Variants in CCDC102B observed in about 807,000 individuals in gnomAD.
The protein encoded by CCDC102B is coiled-coil domain-containing protein 102B.
Under a neutral mutation model 57.4 loss-of-function variants are expected in CCDC102B, and 75 were observed. The ratio of observed to expected loss-of-function variants is 1.31; its 90% CI spans 1.08 to 1.58. The LOEUF is 1.58. CCDC102B is among the 40% of genes most tolerant of loss of function. The pLI is 0.00. For missense variants in CCDC102B, 636 were observed against 582.6 expected (o/e 1.09, Z -0.94); for synonymous variants, 206 against 201.9 (o/e 1.02, Z -0.17).
At chr18:68,775,205 T>C (rs1360307015) in intron 2 of CCDC102B, among the ~76,000 whole-genome samples, 1 of 151,906 alleles carries the variant, frequency 6.6e-6, no homozygotes, top group Non-Finnish European at 1.5e-5. Flanking sequence ...TTTAAAATAA[T>C]TTTTGCAATG....
intron 1 of CCDC102B, among the ~76,000 whole-genome samples, chr18:68,802,240 A>G (rs1161881664): frequency 1.3e-5 from 2 of 152,132 alleles, no homozygotes; most frequent in Admixed American, 1.3e-4. Flanking sequence ...GGTATTGTCA[A>G]TGGTAGGAAT....
chr18:68,976,129 T>G (rs1371671227), intron 6 of CCDC102B, among the ~76,000 whole-genome samples: 1 of 152,028 alleles, frequency 6.6e-6, no homozygotes, highest in Non-Finnish European at 1.5e-5. Flanking sequence ...AAATATCTTG[T>G]GTGGGTTTTA....
chr18:68,837,324 T>C lies in CCDC102B; in HGVS notation c.561T>C (p.Tyr187=), dbSNP rs887363269. ...AAATGCATGAGTCTATCAGAGAGTA[T>C]TTGGTAAAAAGACAATTTTCTACAA... ...SSQMHESIRE[Y]LVKRQFSTKE... The change falls in exon 2 of 8, where the codon TAT becomes TAC. Residue 187 remains tyrosine (Y), a synonymous_variant. Coordinates refer to ENST00000360242, the MANE Select transcript of CCDC102B (RefSeq NM_024781.3). 14 of 1,611,242 alleles carry C rather than the reference T, an allele frequency of 8.7e-6. No homozygotes were observed. The highest frequency in any genetic ancestry group is 1.2e-5 in the Non-Finnish European group (14 of 1,178,920).
chr18:68,795,025 T>TAAAA (rs5825874), upstream of CCDC102B, among the ~76,000 whole-genome samples: 5 of 134,532 alleles, frequency 3.7e-5, no homozygotes, highest in African/African-American at 5.6e-5. Flanking sequence ...AACTCGCCAG[T>TAAAA]AAAAAAAAAA....
intron 2 of CCDC102B, among the ~76,000 whole-genome samples, chr18:68,771,357 G>A (rs537073672): frequency 1.3e-5 from 2 of 152,262 alleles, no homozygotes; most frequent in African/African-American, 4.8e-5. Context: ...CTGTAAGAGG[G>A]ACTGGTGATA....
At chr18:68,991,526 A>G (rs2050866926) in intron 6 of CCDC102B, among the ~76,000 whole-genome samples, 1 of 152,190 alleles carries the variant, frequency 6.6e-6, no homozygotes, top group Non-Finnish European at 1.5e-5. Context: ...AGTATGAGTC[A>G]CTTATCTCAC....
At chr18:69,015,519 T>C (rs2051640601) in intron 7 of CCDC102B, among the ~76,000 whole-genome samples, 1 of 152,216 alleles carries the variant, frequency 6.6e-6, no homozygotes. Flanking sequence ...CTTTTCAATT[T>C]AATAGTAGCA....
intron 1 of CCDC102B, among the ~76,000 whole-genome samples, chr18:68,827,719 C>T (rs1345132320): frequency 1.3e-5 from 2 of 151,782 alleles, no homozygotes; most frequent in African/African-American, 4.8e-5. Flanking sequence ...GTGAATAAAA[C>T]AAAAACAAGC....
intron 6 of CCDC102B, among the ~76,000 whole-genome samples, chr18:68,969,356 G>A (rs892121937): frequency 2.0e-5 from 3 of 152,082 alleles, no homozygotes; most frequent in Non-Finnish European, 4.4e-5. Flanking sequence ...ATTCCTATGT[G>A]CTCTGCAATG....
At chr18:68,759,807 C>T (rs987062338) in intron 2 of CCDC102B, among the ~76,000 whole-genome samples, 1 of 152,082 alleles carries the variant, frequency 6.6e-6, no homozygotes, top group Admixed American at 6.6e-5. Context: ...ACCTACAGAG[C>T]ATCCCTGCTA....
intron 2 of CCDC102B, among the ~76,000 whole-genome samples, chr18:68,765,345 G>GA (rs1369713575): frequency 1.7e-5 from 2 of 119,466 alleles, no homozygotes; most frequent in Non-Finnish European, 3.5e-5. Context: ...AAGAAAGAAA[G>GA]AAAGAAAGAA....
At chr18:69,020,734 CTG>C (rs1237004062) in intron 7 of CCDC102B, among the ~76,000 whole-genome samples, 2 of 152,154 alleles carry the variant, frequency 1.3e-5, no homozygotes, top group Non-Finnish European at 2.9e-5. Flanking sequence ...CAAATAATAA[CTG>C]TGGTATCCTT....
At chr18:68,920,669 G>A (rs2041246520) in intron 6 of CCDC102B, among the ~76,000 whole-genome samples, 1 of 152,118 alleles carries the variant, frequency 6.6e-6, no homozygotes, top group Admixed American at 6.6e-5. Flanking sequence ...GGAGGCCTCA[G>A]GAAACTTACA....
intron 6 of CCDC102B, among the ~76,000 whole-genome samples, chr18:68,999,009 G>T (rs939292328): frequency 3.4e-4 from 36 of 104,728 alleles, no homozygotes; most frequent in African/African-American, 9.9e-4. Flanking sequence ...TAGAGAGAGA[G>T]AGAGAGAGAG....
intron 2 of CCDC102B, among the ~76,000 whole-genome samples, chr18:68,773,061 A>C (rs914845261): frequency 6.6e-6 from 1 of 152,090 alleles, no homozygotes; most frequent in Non-Finnish European, 1.5e-5. Context: ...CTAGAAAGTT[A>C]AGAAAGGATT....
At chr18:68,874,997 T>C (rs1343669304) in intron 5 of CCDC102B, 7 of 351,638 alleles carry the variant, frequency 2.0e-5, no homozygotes, top group Non-Finnish European at 3.1e-5. Flanking sequence ...ATTACAAAGA[T>C]GAAATATTTG....
chr18:68,902,409 A>G (rs1184213170), intron 6 of CCDC102B, among the ~76,000 whole-genome samples: 1 of 152,208 alleles, frequency 6.6e-6, no homozygotes, highest in African/African-American at 2.4e-5. Flanking sequence ...TAGGAAATCA[A>G]AAAGCAGCAT....
intron 6 of CCDC102B, among the ~76,000 whole-genome samples, chr18:68,911,595 A>T (rs1186350813): frequency 1.6e-4 from 24 of 148,010 alleles, no homozygotes; most frequent in South Asian, 4.3e-4. Context: ...TACTAAAAAT[A>T]CAAAAAATTA....
chr18:69,003,319 T>G (rs956202006), intron 6 of CCDC102B, among the ~76,000 whole-genome samples: 3 of 152,218 alleles, frequency 2.0e-5, no homozygotes, highest in Non-Finnish European at 4.4e-5. Flanking sequence ...TTCATTCTTA[T>G]GTGCAATGTT....
Sources: gnomAD v4.1 joint callset for allele counts (sites outside exome capture counted in the v4.1 genomes callset) on GRCh38, gnomAD v4.1.1 for gene constraint, MANE v1.5 for transcripts, NCBI Gene and HGNC (gene_info 2026-07-23, HGNC 2026-07-21) for gene names.